The following CTNNBIP1 variants were observed in gnomAD, a reference collection of about 807,000 sequenced individuals.
CTNNBIP1 encodes the protein beta-catenin-interacting protein 1.
CTNNBIP1 carries 7 observed loss-of-function variants against 11.8 expected under a neutral mutation model. That is an observed-to-expected ratio of 0.60 (90% confidence interval 0.34 to 1.12). CTNNBIP1 has a LOEUF of 1.12. CTNNBIP1 is among the 50% of genes most tolerant of loss of function. The probability of loss-of-function intolerance (pLI) is 0.03; values close to 1 mark genes in which losing one functional copy is unlikely to be tolerated. For synonymous variants in CTNNBIP1, 58 were observed against 43.9 expected (o/e 1.32, Z -1.26); for missense variants, 101 against 113.4 (o/e 0.89, Z 0.50).
intron 5 of CTNNBIP1, among the ~76,000 whole-genome samples, chr1:9,869,118 G>A (rs1341259466): frequency 1.3e-5 from 2 of 151,712 alleles, no homozygotes; most frequent in Non-Finnish European, 2.9e-5. Context: ...TCTCACCTCA[G>A]CCTCCCTAGT....
At chr1:9,900,072 A>G (rs76117402) in intron 1 of CTNNBIP1, among the ~76,000 whole-genome samples, 2 of 143,334 alleles carry the variant, frequency 1.4e-5, no homozygotes, top group Non-Finnish European at 3.1e-5. Flanking sequence ...CCGTCTCAAG[A>G]AAAAAAAAAA....
At chr1:9,909,971 G>C (rs1258585101) in intron 1 of CTNNBIP1, 124 bp downstream of exon 1, 3 of 151,762 alleles carry the variant, frequency 2.0e-5, no homozygotes, top group Non-Finnish European at 2.9e-5. Flanking sequence ...AGGGGTCCGA[G>C]CGGGGTCGGG....
chr1:9,852,055 A>G (rs1638399067), intron 5 of CTNNBIP1, among the ~76,000 whole-genome samples: 1 of 152,072 alleles, frequency 6.6e-6, no homozygotes, highest in Admixed American at 6.5e-5. Context: ...GAGGGGGTGG[A>G]TCGGAATAGG....
At chr1:9,861,794 A>T (rs916496107) in intron 5 of CTNNBIP1, among the ~76,000 whole-genome samples, 3 of 152,190 alleles carry the variant, frequency 2.0e-5, no homozygotes, top group African/African-American at 7.2e-5. Context: ...CCTGGAGCTG[A>T]TACCCAGCCT....
intron 5 of CTNNBIP1, among the ~76,000 whole-genome samples, chr1:9,857,920 C>T (rs1285584357): frequency 1.3e-5 from 2 of 152,176 alleles, no homozygotes; most frequent in African/African-American, 4.8e-5. Flanking sequence ...AATTGGAACC[C>T]TCATCCATTC....
chr1:9,866,651 G>A (rs959653954), intron 5 of CTNNBIP1, among the ~76,000 whole-genome samples: 10 of 150,078 alleles, frequency 6.7e-5, no homozygotes, highest in African/African-American at 2.5e-4. Flanking sequence ...CTGCACTCCA[G>A]CCTGGGTGAC....
At chr1:9,870,447 C>T (rs1473912785) in intron 5 of CTNNBIP1, among the ~76,000 whole-genome samples, 2 of 152,202 alleles carry the variant, frequency 1.3e-5, no homozygotes, top group South Asian at 2.1e-4. Flanking sequence ...GACAGTGAAG[C>T]GCTCCTCAGC....
intron 5 of CTNNBIP1, among the ~76,000 whole-genome samples, chr1:9,862,555 G>C (rs530287247): frequency 6.6e-6 from 1 of 152,160 alleles, no homozygotes; most frequent in South Asian, 2.1e-4. Context: ...AATGTGTAGA[G>C]CATGCTCAGA....
In CTNNBIP1 at chr1:9,872,199, G is replaced by T; in HGVS notation, c.-24-111C>A. The T allele has an allele frequency of 1.4e-6, 1 of 695,768 alleles. No homozygotes were observed. 43.1% of individuals were successfully genotyped at this position (695,768 alleles called of 1,614,324 possible). On this transcript the variant is annotated intron_variant, in intron 3 of 5. Transcript: ENST00000377263. The surrounding 1 kb of genome is among the most constrained non-coding windows in gnomAD (Gnocchi z 4.0). ...TCCCAGGAGCCGCTTTCCACCCACAGTCTCCCTTCTGGGAGCATGGGGCAG... is the reference window on the plus strand; with the variant it reads ...TCCCAGGAGCCGCTTTCCACCCACATTCTCCCTTCTGGGAGCATGGGGCAG...
At position 9,851,896 on chromosome 1, in the gene CTNNBIP1, AG is replaced by A; in HGVS notation, c.188-1121del. On this transcript the variant is annotated intron_variant, in intron 5 of 5. Coordinates refer to ENST00000377263, the MANE Select transcript of CTNNBIP1 (RefSeq NM_020248.3). This position sits in a 1 kb window ranked among gnomAD's most constrained non-coding sequence, Gnocchi z 4.8. ...GGCTGTGGGCCAGGAGGTGACCTGT[AG>A]GGCCCCACCTTGACTCCCTGACCCT... Among the ~76,000 whole-genome samples, 1 of 152,264 alleles carries A rather than the reference AG, an allele frequency of 6.6e-6. No individual in the cohort carries two copies. The highest frequency in any genetic ancestry group is 1.9e-4 in the East Asian group (1 of 5,172).
At chr1:9,853,174 C>T (rs1051534585) in intron 5 of CTNNBIP1, among the ~76,000 whole-genome samples, 1 of 152,240 alleles carries the variant, frequency 6.6e-6, no homozygotes, top group Non-Finnish European at 1.5e-5. Context: ...GCCTGAGGAG[C>T]TGCGGCCTGT....
intron 1 of CTNNBIP1, among the ~76,000 whole-genome samples, chr1:9,890,927 C>G (rs1457733453): frequency 6.6e-6 from 1 of 152,090 alleles, no homozygotes; most frequent in Non-Finnish European, 1.5e-5. Flanking sequence ...AGGGATGGAG[C>G]CTGGCCCAGA....
chr1:9,854,417 C>T (rs990921809), intron 5 of CTNNBIP1, among the ~76,000 whole-genome samples: 2 of 151,028 alleles, frequency 1.3e-5, no homozygotes, highest in Non-Finnish European at 2.9e-5. Context: ...AGAACAACCT[C>T]TATCTGATAA....
At chr1:9,863,415 C>T (rs751593847) in intron 5 of CTNNBIP1, among the ~76,000 whole-genome samples, 4 of 152,248 alleles carry the variant, frequency 2.6e-5, no homozygotes, top group Non-Finnish European at 4.4e-5. Flanking sequence ...TCTGTTACCG[C>T]CTGGAGCCTC....
chr1:9,852,791 T>C lies in CTNNBIP1; in HGVS notation c.188-2015A>G, dbSNP rs945843949. ...CTCACTCCTCTCCCTGCCTGCCCTG[T>C]GGCCTTTCGCTCAGGGACCTTGGGC... On this transcript the variant is annotated intron_variant, in intron 5 of 5. Transcript: ENST00000377263. 2.0e-4 allele frequency among the ~76,000 whole-genome samples: 31 copies of C among 152,236 alleles called. 1 individual carries two copies. The highest frequency in any genetic ancestry group is 7.0e-4 in the African/African-American group (29 of 41,466).
chr1:9,850,748 G>A lies in CTNNBIP1; in HGVS notation c.216C>T (p.Ser72=), dbSNP rs773021790. The A allele has an allele frequency of 2.1e-5, 34 of 1,613,798 alleles. No individual in the cohort carries two copies. Among genetic ancestry groups the A allele is most frequent in the Non-Finnish European group, 2.8e-5 (33 of 1,179,888 alleles). ...GCCTCCGGTCTTCCGTCTCCGACCT[G>A]GAAAACGCCATCACCACGTCCTCTG... is the stretch of plus-strand genomic sequence containing the variant. The part of the protein sequence containing the change: ...QGAEDVVMAF[S]RSETEDRRQ Residue 72 remains serine (S), a synonymous_variant, in exon 6 of 6, where the codon TCC becomes TCT. Coordinates refer to ENST00000377263, the MANE Select transcript of CTNNBIP1 (RefSeq NM_020248.3).
intron 5 of CTNNBIP1, among the ~76,000 whole-genome samples, chr1:9,852,667 T>C (rs2101423501): frequency 6.6e-6 from 1 of 152,330 alleles, no homozygotes; most frequent in South Asian, 2.1e-4. Context: ...TCCTGAGTGC[T>C]GCTTGCCCAG....
At chr1:9,880,431 A>G (rs911691089) in intron 2 of CTNNBIP1, among the ~76,000 whole-genome samples, 4 of 152,316 alleles carry the variant, frequency 2.6e-5, no homozygotes, top group Non-Finnish European at 2.9e-5. Flanking sequence ...TAGTGCTGCA[A>G]TAAACATAAG....
intron 2 of CTNNBIP1, among the ~76,000 whole-genome samples, chr1:9,880,878 G>C (rs1298079377): frequency 6.6e-6 from 1 of 152,170 alleles, no homozygotes; most frequent in Admixed American, 6.5e-5. Flanking sequence ...TTCACCACCT[G>C]TAGAAAGGAG....
Sources: allele counts gnomAD v4.1 joint callset (sites outside exome capture counted in the v4.1 genomes callset), GRCh38; gene constraint gnomAD v4.1.1; non-coding constraint Gnocchi (gnomAD v3.1); transcripts MANE v1.5; gene names NCBI Gene and HGNC (gene_info 2026-07-23, HGNC 2026-07-21).